Variants in VPS50 observed in about 807,000 individuals in gnomAD.
VPS50 encodes syndetin.
In VPS50, 70 loss-of-function variants were observed where a neutral mutation model predicts 139.7. The observed-to-expected ratio is 0.50, with a 90% CI of 0.41 to 0.61. The LOEUF (loss-of-function observed/expected upper bound fraction) is 0.61, where lower values mean the gene tolerates loss of function less well. Among genes scored for constraint, VPS50 ranks in the 20% least tolerant of loss-of-function variants. The pLI, the probability that VPS50 is intolerant of heterozygous loss-of-function variation, is 0.00. For missense variants in VPS50, 921 were observed against 1,133.7 expected (o/e 0.81, Z 2.69); for synonymous variants, 365 against 376.7 (o/e 0.97, Z 0.36).
chr7:93,298,988 A>G (rs1584442304), intron 16 of VPS50, among the ~76,000 whole-genome samples: 1 of 152,172 alleles, frequency 6.6e-6, no homozygotes, highest in Non-Finnish European at 1.5e-5. Flanking sequence ...AAAGGTCTCC[A>G]TAAGTGTTGC....
intron 5 of VPS50, 89 bp downstream of exon 5, chr7:93,256,651 T>G: frequency 2.8e-6 from 2 of 706,468 alleles, no homozygotes; most frequent in Non-Finnish European, 4.7e-6. Context: ...GTATTTTTTG[T>G]CAATAATTCT....
In VPS50 at chr7:93,294,642, GT is replaced by G; in HGVS notation, c.1167+13del. The G allele has an allele frequency of 1.3e-6, 2 of 1,566,038 alleles. No individual in the cohort carries two copies. Among genetic ancestry groups the G allele is most frequent in the Non-Finnish European group, 1.7e-6 (2 of 1,162,456 alleles). On this transcript the variant is annotated splice_region_variant and intron_variant, in intron 14 of 27. Coordinates refer to ENST00000305866, the MANE Select transcript of VPS50 (RefSeq NM_017667.4). ...GACTTACACGAATATGGCAGGTTTG[GT>G]TTTTTTAAAATTATTTTTTTCACAG...
At chr7:93,296,194 T>G (rs1796804747) in intron 14 of VPS50, among the ~76,000 whole-genome samples, 2 of 152,190 alleles carry the variant, frequency 1.3e-5, no homozygotes, top group African/African-American at 4.8e-5. Flanking sequence ...TATTTAAAAT[T>G]TATTTTTGTG....
chr7:93,300,393 A>T (rs1447417431), intron 16 of VPS50, among the ~76,000 whole-genome samples: 1 of 152,162 alleles, frequency 6.6e-6, no homozygotes, highest in African/African-American at 2.4e-5. Flanking sequence ...AGAGGACATT[A>T]TAAAAGGAAA....
chr7:93,270,579 T>C (rs546057113), intron 9 of VPS50, among the ~76,000 whole-genome samples: 3 of 152,098 alleles, frequency 2.0e-5, no homozygotes, highest in African/African-American at 7.2e-5. Flanking sequence ...TGTGCTTTTC[T>C]GTTCAGTATG....
chr7:93,326,451 AAT>A (rs1491094547), intron 21 of VPS50, among the ~76,000 whole-genome samples: 2 of 125,830 alleles, frequency 1.6e-5, no homozygotes, highest in African/African-American at 6.7e-5. Context: ...GTATAATAAT[AAT>A]AAAAAAAAAA....
chr7:93,334,521 G>A (rs541006850), intron 22 of VPS50, among the ~76,000 whole-genome samples: 1 of 152,322 alleles, frequency 6.6e-6, no homozygotes, highest in East Asian at 1.9e-4. Context: ...GGATTAATGG[G>A]AGAGAGAAAA....
chr7:93,279,324 C>T (rs1796255806), intron 12 of VPS50, among the ~76,000 whole-genome samples: 1 of 151,936 alleles, frequency 6.6e-6, no homozygotes, highest in Non-Finnish European at 1.5e-5. Flanking sequence ...TATTTATTAC[C>T]TAGTTTGATG....
chr7:93,352,495 A>AT (rs750824416), intron 25 of VPS50, among the ~76,000 whole-genome samples: 29 of 152,162 alleles, frequency 1.9e-4, no homozygotes, highest in Non-Finnish European at 3.5e-4. Flanking sequence ...ATCAGATTAG[A>AT]TTTTTTCTCC....
At chr7:93,333,783 A>G (rs762231455) in intron 21 of VPS50, 1 of 278,226 alleles carries the variant, frequency 3.6e-6, no homozygotes, top group Non-Finnish European at 6.8e-6. Context: ...CATACCTTAC[A>G]TACAACAGAG....
At chr7:93,268,405 T>C (rs1795906149) in intron 9 of VPS50, among the ~76,000 whole-genome samples, 1 of 152,146 alleles carries the variant, frequency 6.6e-6, no homozygotes, top group African/African-American at 2.4e-5. Flanking sequence ...GCCATGGTGG[T>C]TTGCTGCACC....
chr7:93,240,074 A>G (rs909449138), intron 2 of VPS50, 140 bp downstream of exon 2: 29 of 586,914 alleles, frequency 4.9e-5, no homozygotes, highest in Non-Finnish European at 7.8e-5. Flanking sequence ...TTTTTATTGT[A>G]TAGTAGGTGT....
At chr7:93,337,897 A>T (rs1798108640) in intron 22 of VPS50, among the ~76,000 whole-genome samples, 1 of 152,078 alleles carries the variant, frequency 6.6e-6, no homozygotes, top group Non-Finnish European at 1.5e-5. Context: ...AGTTTGCCTG[A>T]TAGAATGTGC....
chr7:93,243,745 C>T (rs1335552118), intron 2 of VPS50, among the ~76,000 whole-genome samples: 3 of 151,962 alleles, frequency 2.0e-5, no homozygotes, highest in African/African-American at 4.8e-5. Context: ...AGAGCCACAA[C>T]GTTATTAGTT....
chr7:93,327,565 A>G (rs1050010009), intron 21 of VPS50, among the ~76,000 whole-genome samples: 3 of 152,194 alleles, frequency 2.0e-5, no homozygotes, highest in African/African-American at 7.2e-5. Context: ...GAACACACTA[A>G]TCTGATATTT....
chr7:93,294,649 T>C lies in VPS50; in HGVS notation c.1167+13T>C. 5.1e-6 allele frequency: 8 copies of C among 1,558,514 alleles called. No individual in the cohort carries two copies. The highest frequency in any genetic ancestry group is 6.9e-6 in the Non-Finnish European group (8 of 1,155,148). On this transcript the variant is annotated intron_variant, in intron 14 of 27. Transcript: ENST00000305866. Reference sequence around the variant, plus strand: ...ACGAATATGGCAGGTTTGGTTTTTTTAAAATTATTTTTTTCACAGAAGCAA... The same window carrying C: ...ACGAATATGGCAGGTTTGGTTTTTTCAAAATTATTTTTTTCACAGAAGCAA...
At chr7:93,309,807 T>C (rs1167044568) in intron 19 of VPS50, among the ~76,000 whole-genome samples, 3 of 151,988 alleles carry the variant, frequency 2.0e-5, no homozygotes, top group Non-Finnish European at 4.4e-5. Context: ...TTCATGACTA[T>C]CATACATTTA....
At chr7:93,254,925 T>C (rs1795443398) in intron 4 of VPS50, among the ~76,000 whole-genome samples, 2 of 152,144 alleles carry the variant, frequency 1.3e-5, no homozygotes, top group Non-Finnish European at 2.9e-5. Context: ...TACTTTTCTA[T>C]TACACTCAGA....
At chr7:93,354,809 CCT>C (rs2117094501) in intron 26 of VPS50, among the ~76,000 whole-genome samples, 1 of 152,100 alleles carries the variant, frequency 6.6e-6, no homozygotes, top group Admixed American at 6.5e-5. Flanking sequence ...CTGAAATATC[CCT>C]GAGAAGCGAA....
Sources: gnomAD v4.1 joint callset for allele counts (sites outside exome capture counted in the v4.1 genomes callset) on GRCh38, gnomAD v4.1.1 for gene constraint, MANE v1.5 for transcripts, NCBI Gene and HGNC (gene_info 2026-07-23, HGNC 2026-07-21) for gene names.